CCDC148: variants seen among roughly 807,000 people sequenced by gnomAD.
The protein encoded by CCDC148 is coiled-coil domain containing 148.
In CCDC148, 89 loss-of-function variants were observed where a neutral mutation model predicts 85.7. The observed-to-expected ratio is 1.04, with a 90% confidence interval of 0.87 to 1.24. The LOEUF is 1.24. Among genes scored for constraint, CCDC148 ranks in the 50% most tolerant of loss-of-function variants. CCDC148 has a pLI of 0.00. For synonymous variants in CCDC148, 230 were observed against 213.9 expected, an observed-to-expected ratio of 1.08 and a Z score of -0.66; for missense variants, 692 against 671.7, an observed-to-expected ratio of 1.03 and a Z score of -0.33.
At chr2:158,356,457 G>C (rs1267878514) in intron 2 of CCDC148, among the ~76,000 whole-genome samples, 1 of 150,626 alleles carries the variant, frequency 6.6e-6, no homozygotes, top group East Asian at 2.0e-4. Flanking sequence ...AGACATTTAT[G>C]CAGCCAAAAA....
At chr2:158,211,465 A>T (rs187474517) in intron 11 of CCDC148, among the ~76,000 whole-genome samples, 1 of 152,340 alleles carries the variant, frequency 6.6e-6, no homozygotes, top group African/African-American at 2.4e-5. Context: ...AGTATTTCTG[A>T]TTGTTGTCTG....
intron 11 of CCDC148, among the ~76,000 whole-genome samples, chr2:158,199,989 G>T (rs989420631): frequency 1.3e-5 from 2 of 152,164 alleles, no homozygotes; most frequent in African/African-American, 4.8e-5. Context: ...GCTCAAGAGG[G>T]TTGAGACGCA....
intron 11 of CCDC148, among the ~76,000 whole-genome samples, chr2:158,180,859 C>T (rs1413907083): frequency 6.6e-6 from 1 of 152,110 alleles, no homozygotes; most frequent in Non-Finnish European, 1.5e-5. Flanking sequence ...AAGGAAAATC[C>T]TAACCTCCTT....
intron 11 of CCDC148, among the ~76,000 whole-genome samples, chr2:158,193,215 C>A (rs1485899895): frequency 6.6e-6 from 1 of 152,126 alleles, no homozygotes. Flanking sequence ...CAGGCACAAT[C>A]AACATTTCTG....
At chr2:158,338,555 T>G (rs1682505531) in intron 7 of CCDC148, 171 bp downstream of exon 7, 2 of 526,886 alleles carry the variant, frequency 3.8e-6, no homozygotes, top group African/African-American at 2.0e-5. Flanking sequence ...GTCAAGAAAT[T>G]TTTTTGAAAA....
intron 11 of CCDC148, among the ~76,000 whole-genome samples, chr2:158,211,117 T>TGG (rs1686554997): frequency 5.3e-5 from 8 of 151,992 alleles, no homozygotes; most frequent in Admixed American, 1.3e-4. Flanking sequence ...CAAACCACCA[T>TGG]GGCACGTGTA....
intron 1 of CCDC148, among the ~76,000 whole-genome samples, chr2:158,454,249 T>C (rs896323397): frequency 3.9e-5 from 6 of 152,132 alleles, no homozygotes; most frequent in Non-Finnish European, 8.8e-5. Context: ...GGCCAATAGA[T>C]AGAGATGGTG....
chr2:158,452,705 C>T (rs1688454252), intron 1 of CCDC148, among the ~76,000 whole-genome samples: 1 of 152,322 alleles, frequency 6.6e-6, no homozygotes, highest in South Asian at 2.1e-4. Flanking sequence ...GGCTACATGG[C>T]TCAGGTCTCC....
At chr2:158,283,530 C>T (rs1382444323) in intron 9 of CCDC148, among the ~76,000 whole-genome samples, 2 of 152,324 alleles carry the variant, frequency 1.3e-5, no homozygotes, top group African/African-American at 4.8e-5. Flanking sequence ...AAAAAATGCT[C>T]ATCATCACTG....
intron 9 of CCDC148, among the ~76,000 whole-genome samples, chr2:158,295,312 C>G (rs543800498): frequency 4.6e-5 from 7 of 152,050 alleles, no homozygotes; most frequent in Non-Finnish European, 1.0e-4. Flanking sequence ...GGAACTGGAA[C>G]CATTCCCTCT....
At position 158,360,075 on chromosome 2, in the gene CCDC148, C is replaced by T. The variant is rs560427224; in HGVS notation, c.26-1505G>A. On this transcript the variant is annotated intron_variant, in intron 1 of 13. Coordinates refer to ENST00000283233, the MANE Select transcript of CCDC148 (RefSeq NM_138803.4). ...AAACCACAGGGAAGTTCCAACTGGGCGGAGCCCTCTGAAGCTCAGCAAATC... is the reference window on the plus strand; with the variant it reads ...AAACCACAGGGAAGTTCCAACTGGGTGGAGCCCTCTGAAGCTCAGCAAATC... Among the ~76,000 whole-genome samples, 6 of 152,334 alleles carry T rather than the reference C, an allele frequency of 3.9e-5. No homozygotes were observed. In the South Asian group the frequency reaches 8.3e-4, roughly 21 times the overall value.
At chr2:158,273,439 A>G (rs1305029729) in intron 9 of CCDC148, among the ~76,000 whole-genome samples, 1 of 152,180 alleles carries the variant, frequency 6.6e-6, no homozygotes, top group East Asian at 1.9e-4. Flanking sequence ...AATGTCCCCC[A>G]AAGTACTTCT....
intron 1 of CCDC148, among the ~76,000 whole-genome samples, chr2:158,427,992 G>A (rs1264265779): frequency 6.6e-6 from 1 of 152,176 alleles, no homozygotes; most frequent in Admixed American, 6.5e-5. Flanking sequence ...AAAACACAGA[G>A]AGTCTTTTAG....
intron 1 of CCDC148, among the ~76,000 whole-genome samples, chr2:158,376,151 C>T (rs1046616679): frequency 2.0e-5 from 3 of 152,072 alleles, no homozygotes; most frequent in African/African-American, 4.8e-5. Flanking sequence ...GAAAATATTA[C>T]TGTCATTGCT....
intron 11 of CCDC148, among the ~76,000 whole-genome samples, chr2:158,212,676 A>C (rs1164427952): frequency 6.6e-6 from 1 of 152,200 alleles, no homozygotes; most frequent in Non-Finnish European, 1.5e-5. Context: ...ACCTAAAATT[A>C]GTGCTGCTTT....
At chr2:158,444,225 T>C (rs1688065533) in intron 1 of CCDC148, among the ~76,000 whole-genome samples, 1 of 151,986 alleles carries the variant, frequency 6.6e-6, no homozygotes, top group Non-Finnish European at 1.5e-5. Context: ...ACAGCAAACA[T>C]GGTGAAATGA....
At chr2:158,258,251 T>C (rs1173188864) in intron 9 of CCDC148, among the ~76,000 whole-genome samples, 1 of 151,876 alleles carries the variant, frequency 6.6e-6, no homozygotes, top group Admixed American at 6.6e-5. Context: ...TAAGTCACAG[T>C]CAAAGAAGCT....
chr2:158,450,216 G>T (rs2105349819), intron 1 of CCDC148, among the ~76,000 whole-genome samples: 1 of 152,292 alleles, frequency 6.6e-6, no homozygotes, highest in African/African-American at 2.4e-5. Context: ...CTCTGCTACT[G>T]CTTTAATAAC....
intron 1 of CCDC148, among the ~76,000 whole-genome samples, chr2:158,454,473 G>A (rs945051024): frequency 3.3e-5 from 5 of 152,230 alleles, no homozygotes; most frequent in African/African-American, 4.8e-5. Context: ...CATGACTGAA[G>A]GAGGTGAAGA....
Sources: allele counts gnomAD v4.1 joint callset (sites outside exome capture counted in the v4.1 genomes callset), GRCh38; gene constraint gnomAD v4.1.1; transcripts MANE v1.5; gene names NCBI Gene and HGNC (gene_info 2026-07-23, HGNC 2026-07-21).